The following VWC2L variants were observed in gnomAD, a reference collection of about 807,000 sequenced individuals.
VWC2L encodes von Willebrand factor C domain containing 2 like, also known as von Willebrand factor C domain-containing protein 2-like.
Under a neutral mutation model 21.6 loss-of-function variants are expected in VWC2L, and 10 were observed. The ratio of observed to expected loss-of-function variants is 0.46; its 90% CI spans 0.29 to 0.78. The LOEUF (loss-of-function observed/expected upper bound fraction) is 0.78. Ranked by LOEUF, VWC2L falls within the 30% of genes least tolerant of loss-of-function variation. VWC2L has a pLI of 0.10. For synonymous variants in VWC2L, 96 were observed against 94.3 expected, an observed-to-expected ratio of 1.02 and a Z score of -0.10; for missense variants, 209 against 277.1, an observed-to-expected ratio of 0.75 and a Z score of 1.74.
intron 3 of VWC2L, among the ~76,000 whole-genome samples, chr2:214,474,188 C>T (rs141285013): frequency 1.3e-3 from 200 of 152,204 alleles, no homozygotes; most frequent in African/African-American, 4.6e-3. Context: ...TTACTGTTTA[C>T]ATTGAAGGCA....
chr2:214,558,336 G>T (rs1455297711), intron 3 of VWC2L, among the ~76,000 whole-genome samples: 1 of 151,962 alleles, frequency 6.6e-6, no homozygotes, highest in East Asian at 1.9e-4. Context: ...CATTTTCCAG[G>T]GGTTCCACCT....
chr2:214,447,804 T>C (rs1030586763), intron 3 of VWC2L, among the ~76,000 whole-genome samples: 1 of 152,030 alleles, frequency 6.6e-6, no homozygotes, highest in South Asian at 2.1e-4. Flanking sequence ...GTCTAAACCT[T>C]CTTGGGCTCT....
At chr2:214,413,983 T>TG in intron 1 of VWC2L, 131 bp from the exon 2 acceptor site, 1 of 513,156 alleles carries the variant, frequency 1.9e-6, no homozygotes, top group East Asian at 3.5e-5. Flanking sequence ...CACAGATAGT[T>TG]GCATGAACTT....
At chr2:214,480,263 G>T (rs1387822141) in intron 3 of VWC2L, among the ~76,000 whole-genome samples, 1 of 152,170 alleles carries the variant, frequency 6.6e-6, no homozygotes, top group African/African-American at 2.4e-5. Flanking sequence ...GGTAATAAAA[G>T]AGATAATGTG....
intron 3 of VWC2L, among the ~76,000 whole-genome samples, chr2:214,486,024 T>A (rs1688667684): frequency 6.6e-6 from 1 of 151,530 alleles, no homozygotes; most frequent in African/African-American, 2.5e-5. Context: ...TGACATTAAG[T>A]GGTCTTTTTT....
intron 2 of VWC2L, among the ~76,000 whole-genome samples, chr2:214,421,281 TAA>T (rs1333068717): frequency 6.6e-6 from 1 of 152,226 alleles, no homozygotes; most frequent in Non-Finnish European, 1.5e-5. Context: ...AAGTACTTTC[TAA>T]AAGAGAGTAG....
intron 3 of VWC2L, among the ~76,000 whole-genome samples, chr2:214,522,629 T>C (rs903011955): frequency 1.3e-5 from 2 of 152,070 alleles, no homozygotes; most frequent in African/African-American, 4.8e-5. Flanking sequence ...AAATATATAC[T>C]ATCTACCTAA....
chr2:214,461,263 G>A (rs545025191), intron 3 of VWC2L, among the ~76,000 whole-genome samples: 1 of 152,308 alleles, frequency 6.6e-6, no homozygotes, highest in East Asian at 1.9e-4. Flanking sequence ...TCAGGGGCCA[G>A]AAGTAGCAGC....
At chr2:214,493,887 C>G (rs886535170) in intron 3 of VWC2L, among the ~76,000 whole-genome samples, 4 of 152,122 alleles carry the variant, frequency 2.6e-5, no homozygotes. Context: ...TATCTAAGAC[C>G]CTACCTGCAG....
Position 214,546,940 on chromosome 2 carries a change from A to G in VWC2L, c.521-28732A>G, listed in dbSNP as rs146970815. Among the ~76,000 whole-genome samples, 11 of 152,202 alleles carry G rather than the reference A, an allele frequency of 7.2e-5. No individual in the cohort carries two copies. In the East Asian group the frequency reaches 1.7e-3, roughly 24 times the overall value. ...GCAGTACTGTTGAAATAAATGCTACACTTACTGACTCCTTCTATGCCACGT... is the reference window on the plus strand; with the variant it reads ...GCAGTACTGTTGAAATAAATGCTACGCTTACTGACTCCTTCTATGCCACGT... On this transcript the variant is annotated intron_variant, in intron 3 of 3. Transcript: ENST00000312504.
At chr2:214,492,805 C>T (rs1391225797) in intron 3 of VWC2L, among the ~76,000 whole-genome samples, 6 of 152,074 alleles carry the variant, frequency 3.9e-5, no homozygotes, top group Admixed American at 6.6e-5. Flanking sequence ...AAACAAACCC[C>T]ACATGTCAGA....
chr2:214,420,525 T>G (rs1032407117), intron 2 of VWC2L, among the ~76,000 whole-genome samples: 1 of 152,196 alleles, frequency 6.6e-6, no homozygotes, highest in Non-Finnish European at 1.5e-5. Flanking sequence ...GCACAGGAAC[T>G]AAGTCAGATG....
chr2:214,520,406 T>G (rs1689218229), intron 3 of VWC2L, among the ~76,000 whole-genome samples: 1 of 152,200 alleles, frequency 6.6e-6, no homozygotes, highest in Non-Finnish European at 1.5e-5. Flanking sequence ...ATGAAGCAGT[T>G]TCATTATGGT....
chr2:214,555,698 TC>T (rs1689862904), intron 3 of VWC2L, among the ~76,000 whole-genome samples: 1 of 152,176 alleles, frequency 6.6e-6, no homozygotes, highest in African/African-American at 2.4e-5. Flanking sequence ...TCCTCTAAAT[TC>T]AGGTAAAACT....
chr2:214,488,523 C>T (rs970949928), intron 3 of VWC2L, among the ~76,000 whole-genome samples: 1 of 152,032 alleles, frequency 6.6e-6, no homozygotes, highest in Non-Finnish European at 1.5e-5. Flanking sequence ...CACTTGAGCC[C>T]AGGAGGTCAA....
intron 2 of VWC2L, among the ~76,000 whole-genome samples, chr2:214,432,867 C>G (rs1702619964): frequency 6.6e-6 from 1 of 151,742 alleles, no homozygotes; most frequent in Non-Finnish European, 1.5e-5. Flanking sequence ...ACTAAAAGTA[C>G]AAAAATTAGC....
chr2:214,518,695 G>A (rs1689183425), intron 3 of VWC2L, among the ~76,000 whole-genome samples: 1 of 152,036 alleles, frequency 6.6e-6, no homozygotes. Flanking sequence ...TACCACTCCT[G>A]GGATTACTTT....
At chr2:214,532,983 C>T (rs1689464662) in intron 3 of VWC2L, among the ~76,000 whole-genome samples, 1 of 152,022 alleles carries the variant, frequency 6.6e-6, no homozygotes, top group Admixed American at 6.6e-5. Flanking sequence ...CTCTCACCAA[C>T]CCAAATCCTT....
At chr2:214,571,810 A>G (rs1690153563) in intron 3 of VWC2L, among the ~76,000 whole-genome samples, 1 of 151,870 alleles carries the variant, frequency 6.6e-6, no homozygotes, top group African/African-American at 2.4e-5. Flanking sequence ...CTCTCGATTC[A>G]GGGGCTCCCT....
Sources: gnomAD v4.1 joint callset for allele counts (sites outside exome capture counted in the v4.1 genomes callset) on GRCh38, gnomAD v4.1.1 for gene constraint, MANE v1.5 for transcripts, NCBI Gene and HGNC (gene_info 2026-07-23, HGNC 2026-07-21) for gene names.